The following GOLGB1 variants were observed in gnomAD, a reference collection of about 807,000 sequenced individuals.
The protein encoded by GOLGB1 is golgin subfamily B member 1.
Under a neutral mutation model 336.9 loss-of-function variants are expected in GOLGB1, and 174 were observed. The ratio of observed to expected loss-of-function variants is 0.52; its 90% confidence interval spans 0.46 to 0.59. The LOEUF (loss-of-function observed/expected upper bound fraction) is 0.59. GOLGB1 is among the 20% of genes least tolerant of loss of function. The probability of loss-of-function intolerance (pLI) is 0.00; values close to 1 mark genes in which losing one functional copy is unlikely to be tolerated. For missense variants in GOLGB1, 3,331 were observed against 3,645.3 expected (o/e 0.91, Z 2.22); for synonymous variants, 1,208 against 1,289.2 (o/e 0.94, Z 1.35).
chr3:121,715,258 C>A (rs1944667312), intron 9 of GOLGB1, among the ~76,000 whole-genome samples: 1 of 148,050 alleles, frequency 6.8e-6, no homozygotes, highest in South Asian at 2.1e-4. Context: ...AGCTGGAGTG[C>A]AGTGGTGCGA....
At chr3:121,749,856 T>C (rs1460564147), upstream of GOLGB1, 1 of 152,576 alleles carries the variant, frequency 6.6e-6, no homozygotes, top group Non-Finnish European at 1.5e-5. Context: ...CTATCAACAA[T>C]GACGGAAACC....
chr3:121,664,711 C>T, intron 21 of GOLGB1, 97 bp from the exon 22 acceptor site: 2 of 1,206,454 alleles, frequency 1.7e-6, no homozygotes, highest in Admixed American at 3.5e-5. Context: ...CTGACCCAAC[C>T]ACTGTAGAAA....
intron 15 of GOLGB1, among the ~76,000 whole-genome samples, chr3:121,679,803 C>G (rs564660506): frequency 6.6e-6 from 1 of 152,302 alleles, no homozygotes; most frequent in South Asian, 2.1e-4. Context: ...CCTCCTCCCC[C>G]ACTCCCACTG....
At chr3:121,718,587 T>C (rs1576419324) in intron 7 of GOLGB1, 86 bp from the exon 8 acceptor site, 4 of 975,884 alleles carry the variant, frequency 4.1e-6, no homozygotes, top group East Asian at 2.5e-5. Flanking sequence ...TAGATTTGTA[T>C]ACTTAAATTT....
At chr3:121,734,027 AT>A (rs770308198) in intron 1 of GOLGB1, among the ~76,000 whole-genome samples, 2 of 152,222 alleles carry the variant, frequency 1.3e-5, no homozygotes, top group South Asian at 2.1e-4. Context: ...ATTATAAAAA[AT>A]ATTGATTAAA....
Position 121,717,062 on chromosome 3 carries a change from C to A in GOLGB1, c.963G>T (p.Glu321Asp), listed in dbSNP as rs1294239243. 6.2e-7 allele frequency: 1 copy of A among 1,612,756 alleles called. No homozygotes were observed. The highest frequency in any genetic ancestry group is 2.2e-5 in the East Asian group (1 of 44,880). ...LRNTVETERE[E>D]SKILLEKMEL... ...CCATCTTTTCCAGTAGAATCTTGGA[C>A]TCCTCTCTTTCTGTTTCCACAGTGT... The change falls in exon 9 of 22, where the codon GAG (glutamate) becomes GAT (aspartate). Residue 321 changes from glutamate to aspartate, a missense_variant. Physicochemically the swap from Glu to Asp is conservative, Grantham distance 45. Transcript: ENST00000614479.
At position 121,695,762 on chromosome 3, in the gene GOLGB1, G is replaced by A; in HGVS notation, c.4761C>T (p.Asp1587=). 6.2e-7 allele frequency: 1 copy of A among 1,612,282 alleles called. No individual in the cohort carries two copies. The highest frequency in any genetic ancestry group is 1.1e-5 in the South Asian group (1 of 91,060). ...LKLALEGLTE[D]KEKLVKEIES... ...CAATTTCCTTCACTAACTTTTCCTT[G>A]TCTTCAGTAAGACCCTCTAGAGCTA... Residue 1587 remains aspartate, a synonymous_variant, in exon 13 of 22, where the codon GAC becomes GAT. Transcript: ENST00000614479.
chr3:121,733,287 CA>C (rs35457720), intron 1 of GOLGB1, among the ~76,000 whole-genome samples: 13,804 of 64,484 alleles, frequency 0.21, 425 homozygotes, highest in Middle Eastern at 0.3. Context: ...TGCTCCGTCT[CA>C]AAAAAAAAAA....
intron 13 of GOLGB1, 68 bp downstream of exon 13, chr3:121,693,671 CAG>C (rs1488386999): frequency 2.5e-5 from 28 of 1,124,638 alleles, no homozygotes; most frequent in East Asian, 4.7e-5. Context: ...TAAAAGGAAA[CAG>C]AAATAGTTTA....
chr3:121,697,054 T>G lies in GOLGB1; in HGVS notation c.3469A>C (p.Thr1157Pro), dbSNP rs1288742619. Reference protein sequence around the residue: ...KETVVISPPCTGSSEHWKPEL... With the variant: ...KETVVISPPCPGSSEHWKPEL... ...GGTTTCCAGTGTTCACTACTACCTGTACAAGGTGGACTTATCACCACTGTT... is the reference window on the plus strand; with the variant it reads ...GGTTTCCAGTGTTCACTACTACCTGGACAAGGTGGACTTATCACCACTGTT... Residue 1157 changes from threonine to proline, a missense_variant, in exon 13 of 22, where the codon ACA (threonine) becomes CCA (proline). Coordinates refer to ENST00000614479, the MANE Select transcript of GOLGB1 (RefSeq NM_001366282.2). 3 of 1,613,864 alleles carry G rather than the reference T, an allele frequency of 1.9e-6. No individual in the cohort carries two copies. Among genetic ancestry groups the G allele is most frequent in the Non-Finnish European group, 2.5e-6 (3 of 1,179,722 alleles).
At chr3:121,704,315 G>C (rs533309864) in intron 10 of GOLGB1, among the ~76,000 whole-genome samples, 2 of 152,106 alleles carry the variant, frequency 1.3e-5, no homozygotes, top group South Asian at 4.1e-4. Context: ...GCAAGAAAAT[G>C]ACAAAGAAAA....
chr3:121,678,376 T>C (rs1166702291), intron 15 of GOLGB1, among the ~76,000 whole-genome samples: 1 of 152,190 alleles, frequency 6.6e-6, no homozygotes, highest in Middle Eastern at 3.2e-3. Flanking sequence ...GTTATGATAT[T>C]TATACTATAT....
chr3:121,747,267 AT>A (rs899254305), intron 1 of GOLGB1, among the ~76,000 whole-genome samples: 25 of 133,054 alleles, frequency 1.9e-4, no homozygotes, highest in African/African-American at 7.3e-4. Context: ...GTATATATAT[AT>A]GTATATATGT....
chr3:121,696,124 A>C lies in GOLGB1; in HGVS notation c.4399T>G (p.Cys1467Gly). 1 of 1,614,036 alleles carries C rather than the reference A, an allele frequency of 6.2e-7. No homozygotes were observed. Among genetic ancestry groups the C allele is most frequent in the Non-Finnish European group, 8.5e-7 (1 of 1,180,006 alleles). Reference sequence around the variant, plus strand: ...TCTTCTGGTTTTTGCTTCATTTCACAAAGTTCCACCTGTAGCTGCTTTATC... The same window carrying C: ...TCTTCTGGTTTTTGCTTCATTTCACCAAGTTCCACCTGTAGCTGCTTTATC... ...ERIKQLQVEL[C>G]EMKQKPEEIG... The change falls in exon 13 of 22, where the codon TGT (cysteine) becomes GGT (glycine). Residue 1467 changes from cysteine (C) to glycine (G), a missense_variant. Cys to Gly is a radical substitution (Grantham distance 159). Coordinates refer to ENST00000614479, the MANE Select transcript of GOLGB1 (RefSeq NM_001366282.2).
Position 121,681,822 on chromosome 3 carries a change from T to G in GOLGB1, c.8738A>C (p.Asn2913Thr). ...TGGATGTAACTCAGTGATCTCTTGA[T>G]TAATCTGTAAGTATTGCTGCTGCAG... is the stretch of plus-strand genomic sequence containing the variant. The part of the protein sequence containing the change: ...KNLQQQYLQI[N>T]QEITELHPLK... Residue 2913 changes from asparagine (N) to threonine (T), a missense_variant, in exon 15 of 22, where the codon AAT becomes ACT. Asn to Thr is a moderately conservative substitution (Grantham distance 65). Coordinates refer to ENST00000614479, the MANE Select transcript of GOLGB1 (RefSeq NM_001366282.2). 1 of 1,607,242 alleles carries G rather than the reference T, an allele frequency of 6.2e-7. No homozygotes were observed. Among genetic ancestry groups the G allele is most frequent in the South Asian group, 1.1e-5 (1 of 90,802 alleles).
At position 121,726,977 on chromosome 3, in the gene GOLGB1, T is replaced by C. The variant is rs1349270313; in HGVS notation, c.467A>G (p.Lys156Arg). The change falls in exon 5 of 22, where the codon AAG becomes AGG. Residue 156 changes from lysine to arginine, a missense_variant. Coordinates refer to ENST00000614479, the MANE Select transcript of GOLGB1 (RefSeq NM_001366282.2). ...IEKIKHKLQEKEELISTLQAQ... is the reference protein window; with the variant it reads ...IEKIKHKLQEREELISTLQAQ... The stretch of plus-strand genomic sequence containing the variant: ...TTGCAAAGTGCTGATTAGTTCCTCC[T>C]TCTCCTGGAGCTTATGTTTTATCTT... 1.2e-6 allele frequency: 2 copies of C among 1,604,496 alleles called. No individual in the cohort carries two copies. Among genetic ancestry groups the C allele is most frequent in the African/African-American group, 2.7e-5 (2 of 74,668 alleles).
chr3:121,729,786 G>A, intron 3 of GOLGB1, 79 bp downstream of exon 3: 1 of 1,039,810 alleles, frequency 9.6e-7, no homozygotes, highest in Non-Finnish European at 1.4e-6. Context: ...TAATCTAAGT[G>A]GAGACAAAAA....
At chr3:121,685,500 A>G (rs1424621989) in intron 14 of GOLGB1, among the ~76,000 whole-genome samples, 1 of 151,820 alleles carries the variant, frequency 6.6e-6, no homozygotes, top group African/African-American at 2.4e-5. Flanking sequence ...GCGCCACTGC[A>G]CTCCAGCCTG....
Position 121,691,458 on chromosome 3 carries a change from G to A in GOLGB1, c.7906C>T (p.His2636Tyr), listed in dbSNP as rs532090985. Residue 2636 changes from histidine (H) to tyrosine (Y), a missense_variant, in exon 14 of 22, where the codon CAT becomes TAT. By Grantham distance (83) the His-to-Tyr change is moderately conservative (BLOSUM62 2). Coordinates refer to ENST00000614479, the MANE Select transcript of GOLGB1 (RefSeq NM_001366282.2). ...LQEEGTLGLY[H>Y]AQLKVKEEEV... ...TCTTCTTTTACTTTTAACTGGGCAT[G>A]ATAGAGTCCTAAAGTACCTTCTTCT... The A allele has an allele frequency of 3.7e-5, 59 of 1,613,714 alleles. No homozygotes were observed. The South Asian group carries it at 6.2e-4, about 17-fold the overall frequency.
Sources: gnomAD v4.1 joint callset for allele counts (sites outside exome capture counted in the v4.1 genomes callset) on GRCh38, gnomAD v4.1.1 for gene constraint, MANE v1.5 for transcripts, NCBI Gene and HGNC (gene_info 2026-07-23, HGNC 2026-07-21) for gene names.